MICU3: variants seen among roughly 807,000 people sequenced by gnomAD.
MICU3 encodes mitochondrial calcium uptake 3.
In MICU3, 62 loss-of-function variants were observed where a neutral mutation model predicts 66.5. The observed-to-expected ratio is 0.93, with a 90% confidence interval of 0.76 to 1.15. MICU3 has a LOEUF of 1.15. Among genes scored for constraint, MICU3 ranks in the 50% most tolerant of loss-of-function variants. The probability of loss-of-function intolerance (pLI) is 0.00; values close to 1 mark genes in which losing one functional copy is unlikely to be tolerated. For missense variants in MICU3, 779 were observed against 664.4 expected (o/e 1.17, Z -1.90); for synonymous variants, 308 against 240.7 (o/e 1.28, Z -2.59).
chr8:17,098,179 G>C (rs1240998823), intron 8 of MICU3, among the ~76,000 whole-genome samples: 1 of 151,668 alleles, frequency 6.6e-6, no homozygotes, highest in Non-Finnish European at 1.5e-5. Flanking sequence ...ACACGTTTCA[G>C]TAGAGGGGCA....
At chr8:17,067,910 A>C (rs1818968193) in intron 2 of MICU3, among the ~76,000 whole-genome samples, 1 of 98,652 alleles carries the variant, frequency 1.0e-5, no homozygotes, top group South Asian at 3.2e-4. Flanking sequence ...GATCAAATAA[A>C]TGTTGAGATA....
rs1368588877 is a variant in MICU3, at chr8:17,027,659, C to A, written c.380C>A (p.Thr127Lys). Residue 127 changes from threonine (T) to lysine (K), a missense_variant and splice_region_variant, in exon 1 of 15, where the codon ACG becomes AAG. By Grantham distance (78) the Thr-to-Lys change is moderately conservative (BLOSUM62 -1). Coordinates refer to ENST00000318063, the MANE Select transcript of MICU3 (RefSeq NM_181723.3). Reference protein sequence around the residue: ...LPIPVAAAKETVAIGRTDIED... With the variant: ...LPIPVAAAKEKVAIGRTDIED... ...ATCCCAGTGGCGGCTGCCAAGGAGA[C>A]GGTGAGTGCGCGAGCGCGCGTCACA... 5 of 1,297,022 alleles carry A rather than the reference C, an allele frequency of 3.9e-6. No homozygotes were observed. Among genetic ancestry groups the A allele is most frequent in the Non-Finnish European group, 2.9e-6 (3 of 1,026,064 alleles). 80.3% of individuals were successfully genotyped at this position (1,297,022 alleles called of 1,614,324 possible). A position where few individuals can be genotyped will look rare whatever the true frequency, so the allele number is the denominator to read the frequency against.
At chr8:17,063,453 C>A (rs1818184397) in intron 1 of MICU3, among the ~76,000 whole-genome samples, 1 of 152,034 alleles carries the variant, frequency 6.6e-6, no homozygotes, top group African/African-American at 2.4e-5. Context: ...AAAAAAATTG[C>A]TCTAGTTACT....
chr8:17,046,750 A>T (rs973412007), intron 1 of MICU3, among the ~76,000 whole-genome samples: 14 of 152,052 alleles, frequency 9.2e-5, no homozygotes, highest in African/African-American at 3.1e-4. Flanking sequence ...ATGGACAAGG[A>T]AAAAAATCTT....
intron 1 of MICU3, among the ~76,000 whole-genome samples, chr8:17,046,989 A>G (rs912033918): frequency 6.6e-6 from 1 of 152,168 alleles, no homozygotes; most frequent in East Asian, 1.9e-4. Flanking sequence ...TGTGATTCCT[A>G]TGGATAAAAT....
intron 2 of MICU3, among the ~76,000 whole-genome samples, chr8:17,067,213 C>G (rs114555433): frequency 8.7e-4 from 133 of 152,196 alleles, no homozygotes; most frequent in African/African-American, 3.2e-3. Flanking sequence ...TATGTTAAAA[C>G]TGTAGCGTAA....
At chr8:17,094,949 T>G (rs1450340330) in intron 8 of MICU3, among the ~76,000 whole-genome samples, 1 of 152,076 alleles carries the variant, frequency 6.6e-6, no homozygotes, top group Non-Finnish European at 1.5e-5. Flanking sequence ...TGCATAATTC[T>G]TCATGTTTAT....
At position 17,092,711 on chromosome 8, in the gene MICU3, ACATT is replaced by A. The variant is rs1395409847; in HGVS notation, c.888+2132_888+2135del. Among the ~76,000 whole-genome samples the A allele has an allele frequency of 4.6e-5, 7 of 152,072 alleles. No individual in the cohort carries two copies. The East Asian group carries it at 1.4e-3, about 29-fold the overall frequency. On this transcript the variant is annotated intron_variant, in intron 8 of 14. Transcript: ENST00000318063. ...TTCATAAACTACAAGCAAACAAGGG[ACATT>A]CATTTACAATTAGAAAAAAATTCCA...
chr8:17,100,057 G>A lies in MICU3; in HGVS notation c.984+1504G>A, dbSNP rs143394183. Among the ~76,000 whole-genome samples the A allele has an allele frequency of 1.2e-3, 181 of 151,916 alleles. 1 individual carries two copies. The highest frequency in any genetic ancestry group is 8.3e-4 in the South Asian group (4 of 4,828). ...TATATGGTTCTGTTGTAGATAGACT[G>A]GAGGAGCTGTGGGCTTTTACAGCTT... On this transcript the variant is annotated intron_variant, in intron 9 of 14. Coordinates refer to ENST00000318063, the MANE Select transcript of MICU3 (RefSeq NM_181723.3).
At chr8:17,054,432 T>A (rs979371382) in intron 1 of MICU3, among the ~76,000 whole-genome samples, 10 of 152,216 alleles carry the variant, frequency 6.6e-5, no homozygotes, top group Admixed American at 1.3e-4. Flanking sequence ...TTCTGTTACT[T>A]AGATTTTAGA....
chr8:17,073,172 C>T (rs1009072438), intron 3 of MICU3, among the ~76,000 whole-genome samples: 2 of 152,074 alleles, frequency 1.3e-5, no homozygotes, highest in African/African-American at 4.8e-5. Flanking sequence ...ATGAGAAATC[C>T]CTCTTGTAGA....
intron 4 of MICU3, among the ~76,000 whole-genome samples, chr8:17,080,754 ACTGC>A (rs1185576097): frequency 1.3e-5 from 2 of 152,134 alleles, no homozygotes; most frequent in Admixed American, 6.6e-5. Context: ...TCTCTGACAA[ACTGC>A]CTGACAGTGA....
At chr8:17,090,705 T>C in intron 8 of MICU3, 121 bp downstream of exon 8, 1 of 721,192 alleles carries the variant, frequency 1.4e-6, no homozygotes, top group Admixed American at 2.9e-5. Context: ...TGGAATTTAT[T>C]GAACACAATA....
At chr8:17,077,499 G>T (rs545333483) in intron 3 of MICU3, among the ~76,000 whole-genome samples, 1 of 152,194 alleles carries the variant, frequency 6.6e-6, no homozygotes, top group East Asian at 1.9e-4. Flanking sequence ...GTTTTATCTT[G>T]ATTTGGTTGT....
chr8:17,123,437 T>A (rs1286404232), downstream of MICU3, among the ~76,000 whole-genome samples: 1 of 152,108 alleles, frequency 6.6e-6, no homozygotes, highest in Non-Finnish European at 1.5e-5. Context: ...GGATAGATTT[T>A]TTTTTAATGG....
At chr8:17,031,783 ATACAGTTCTCTTATATGATAG>A (rs1812114664) in intron 1 of MICU3, among the ~76,000 whole-genome samples, 4 of 152,234 alleles carry the variant, frequency 2.6e-5, no homozygotes, top group African/African-American at 9.6e-5. Context: ...ACTTACAGAA[ATACAGTTCTCTTATATGATAG>A]CCTTGAAGAT....
At chr8:17,091,348 A>G (rs375564249) in intron 8 of MICU3, among the ~76,000 whole-genome samples, 3 of 152,006 alleles carry the variant, frequency 2.0e-5, no homozygotes, top group African/African-American at 4.8e-5. Flanking sequence ...TAATTTCCCC[A>G]AGGATCCTTA....
intron 7 of MICU3, among the ~76,000 whole-genome samples, chr8:17,088,297 G>T (rs150848045): frequency 6.6e-6 from 1 of 151,988 alleles, no homozygotes; most frequent in East Asian, 1.9e-4. Context: ...ATCAAAAGGG[G>T]CAGTAGTAGT....
Position 17,027,370 on chromosome 8 carries a change from C to A in MICU3, c.91C>A (p.Pro31Thr). 2.0e-6 allele frequency: 3 copies of A among 1,493,110 alleles called. No homozygotes were observed. Among genetic ancestry groups the A allele is most frequent in the Middle Eastern group, 1.9e-4 (1 of 5,178 alleles). The allele number at this position is 1,493,110 out of a possible 1,614,324, so 92.5% of individuals were successfully genotyped here. The part of the protein sequence containing the change: ...HQPLLGPWGR[P>T]AVTTLGLPGR... ...GCCCCTCCTTGGGCCGTGGGGGCGG[C>A]CTGCGGTGACCACCCTGGGCCTTCC... Residue 31 changes from proline to threonine, a missense_variant, in exon 1 of 15, where the codon CCT becomes ACT. Physicochemically the swap from Pro to Thr is conservative, Grantham distance 38. Coordinates refer to ENST00000318063, the MANE Select transcript of MICU3 (RefSeq NM_181723.3).
Sources: allele counts gnomAD v4.1 joint callset (sites outside exome capture counted in the v4.1 genomes callset), GRCh38; gene constraint gnomAD v4.1.1; transcripts MANE v1.5; gene names NCBI Gene and HGNC (gene_info 2026-07-23, HGNC 2026-07-21).